CLIP2: variants seen among roughly 807,000 people sequenced by gnomAD.
CLIP2 encodes the protein CAP-Gly domain-containing linker protein 2.
CLIP2 carries 41 observed loss-of-function variants against 111.7 expected under a neutral mutation model. The observed-to-expected ratio is 0.37, with a 90% CI of 0.29 to 0.48. The LOEUF is 0.48. Among genes scored for constraint, CLIP2 ranks in the 20% least tolerant of loss-of-function variants. The pLI, the probability that CLIP2 is intolerant of heterozygous loss-of-function variation, is 0.99. For missense variants in CLIP2, 1,160 were observed against 1,422.1 expected, an observed-to-expected ratio of 0.82 and a Z score of 2.96; for synonymous variants, 660 against 644.2, an observed-to-expected ratio of 1.02 and a Z score of -0.37.
At chr7:74,290,747 G>A (rs1208506210) in intron 1 of CLIP2, among the ~76,000 whole-genome samples, 20 of 152,340 alleles carry the variant, frequency 1.3e-4, no homozygotes, top group African/African-American at 4.3e-4. Context: ...CACCACGTGT[G>A]TGCTTCAGAA....
chr7:74,302,730 G>C (rs1229235158), intron 1 of CLIP2, among the ~76,000 whole-genome samples: 1 of 152,192 alleles, frequency 6.6e-6, no homozygotes, highest in Non-Finnish European at 1.5e-5. Flanking sequence ...CTGTGGTCTT[G>C]CCAGTTTCAT....
Position 74,301,960 on chromosome 7 carries a change from G to A in CLIP2, c.-68+12226G>A, listed in dbSNP as rs138496528. Among the ~76,000 whole-genome samples, 275 of 151,656 alleles carry A rather than the reference G, an allele frequency of 1.8e-3. 1 individual carries two copies. The highest frequency in any genetic ancestry group is 3.4e-3 in the African/African-American group (142 of 41,416). On this transcript the variant is annotated intron_variant, in intron 1 of 16. Transcript: ENST00000223398. ...ACTGCTGGCCTCAAGTGATCCACCC[G>A]CCTTGACCTCCCAAAGTGCTGGGAT...
At chr7:74,296,325 A>G (rs371743547) in intron 1 of CLIP2, among the ~76,000 whole-genome samples, 1 of 151,126 alleles carries the variant, frequency 6.6e-6, no homozygotes, top group African/African-American at 2.4e-5. Context: ...CCTGGCCAAC[A>G]TGGTGAAACT....
At chr7:74,302,536 A>T (rs1348284828) in intron 1 of CLIP2, among the ~76,000 whole-genome samples, 2 of 152,092 alleles carry the variant, frequency 1.3e-5, no homozygotes, top group East Asian at 3.9e-4. Context: ...GAGCTCGGAC[A>T]TAGTGAGAAA....
chr7:74,309,248 G>A (rs1464569150), intron 1 of CLIP2, among the ~76,000 whole-genome samples: 2 of 151,998 alleles, frequency 1.3e-5, no homozygotes, highest in African/African-American at 4.8e-5. Context: ...GGCCAATGCA[G>A]GTGGGTCACC....
At chr7:74,398,465 G>A (rs1791522042) in intron 14 of CLIP2, among the ~76,000 whole-genome samples, 1 of 152,224 alleles carries the variant, frequency 6.6e-6, no homozygotes, top group African/African-American at 2.4e-5. Context: ...AGGGCGTGGG[G>A]TCCAGGAGGA....
At position 74,338,814 on chromosome 7, in the gene CLIP2, C is replaced by T. The variant is rs201883164; in HGVS notation, c.488C>T (p.Ser163Leu). The T allele has an allele frequency of 7.4e-6, 12 of 1,611,244 alleles. No individual in the cohort carries two copies. The highest frequency in any genetic ancestry group is 5.3e-5 in the African/African-American group (4 of 75,052). The change falls in exon 3 of 17, where the codon TCG becomes TTG. Residue 163 changes from serine (S) to leucine (L), a missense_variant. Coordinates refer to ENST00000223398, the MANE Select transcript of CLIP2 (RefSeq NM_003388.5). This position sits in a 1 kb window ranked among gnomAD's most constrained non-coding sequence, Gnocchi z 4.3. Reference sequence around the variant, plus strand: ...GGGAGTGATGCCCACTCCGTGGAGTCGCTGACTGCCCAGAACCTGTCATTG... The same window carrying T: ...GGGAGTGATGCCCACTCCGTGGAGTTGCTGACTGCCCAGAACCTGTCATTG... ...GSGSDAHSVE[S>L]LTAQNLSLHS...
At chr7:74,349,562 T>C (rs1554307134) in intron 3 of CLIP2, among the ~76,000 whole-genome samples, 1 of 141,654 alleles carries the variant, frequency 7.1e-6, no homozygotes, top group African/African-American at 2.6e-5. Flanking sequence ...TGCAATATGA[T>C]TGGACCTTGA....
intron 1 of CLIP2, among the ~76,000 whole-genome samples, chr7:74,299,304 A>G (rs546374925): frequency 6.6e-6 from 1 of 151,894 alleles, no homozygotes; most frequent in African/African-American, 2.4e-5. Context: ...TAGCCTGGGC[A>G]ACACAGCAAG....
chr7:74,354,049 C>T (rs1790084654), intron 4 of CLIP2, 45 bp downstream of exon 4: 1 of 1,574,130 alleles, frequency 6.4e-7, no homozygotes, highest in Admixed American at 1.7e-5. Flanking sequence ...GGCTCCTCTC[C>T]CCAGGGTGGG....
chr7:74,391,458 G>C (rs976766667), intron 13 of CLIP2, among the ~76,000 whole-genome samples: 31 of 152,180 alleles, frequency 2.0e-4, no homozygotes, highest in African/African-American at 6.3e-4. Flanking sequence ...CAATGAGCTA[G>C]ATTCAGTCGA....
At chr7:74,318,930 C>G (rs1036059783) in intron 2 of CLIP2, among the ~76,000 whole-genome samples, 3 of 152,090 alleles carry the variant, frequency 2.0e-5, no homozygotes, top group Non-Finnish European at 4.4e-5. Flanking sequence ...AAGTTTGAGC[C>G]AAAATCATGG....
intron 2 of CLIP2, among the ~76,000 whole-genome samples, chr7:74,328,638 G>A (rs1264079702): frequency 1.3e-5 from 2 of 152,152 alleles, no homozygotes; most frequent in African/African-American, 2.4e-5. Context: ...TGCTATGGAC[G>A]GGCATGAGGA....
At position 74,376,371 on chromosome 7, in the gene CLIP2, A is replaced by C; in HGVS notation, c.1970A>C (p.Lys657Thr). The change falls in exon 10 of 17, where the codon AAG becomes ACG. Residue 657 changes from lysine to threonine, a missense_variant. Lys to Thr is a moderately conservative substitution (Grantham distance 78). Around this residue, in one of 5 missense-constraint regions of CLIP2, gnomAD observed 676 missense variants for 777.8 expected, o/e 0.87. Coordinates refer to ENST00000223398, the MANE Select transcript of CLIP2 (RefSeq NM_003388.5). This position sits in a 1 kb window ranked among gnomAD's most constrained non-coding sequence, Gnocchi z 7.1. ...CTGAAGGCAGTGATGGAGGGCATCA[A>C]GATGGAGCACCAGCTGGAGCTGGGT... ...GELKAVMEGI[K>T]MEHQLELGNL... The C allele has an allele frequency of 6.2e-7, 1 of 1,614,066 alleles. No homozygotes were observed. The highest frequency in any genetic ancestry group is 1.1e-5 in the South Asian group (1 of 91,084).
chr7:74,387,473 A>G (rs1254248021), intron 12 of CLIP2, among the ~76,000 whole-genome samples: 1 of 151,846 alleles, frequency 6.6e-6, no homozygotes, highest in East Asian at 1.9e-4. Flanking sequence ...CTGGTCTCCA[A>G]CTCCTGAGCT....
intron 1 of CLIP2, among the ~76,000 whole-genome samples, chr7:74,294,577 C>T (rs782418561): frequency 1.3e-4 from 20 of 152,142 alleles, no homozygotes; most frequent in Non-Finnish European, 2.6e-4. Context: ...TCCGGCTCAC[C>T]AGGAGGAGCG....
chr7:74,331,070 G>A (rs1036374395), intron 2 of CLIP2, among the ~76,000 whole-genome samples: 3 of 151,588 alleles, frequency 2.0e-5, no homozygotes, highest in African/African-American at 7.3e-5. Context: ...GCCAAGCATG[G>A]TGGTACACGC....
rs1384548877 is a variant in CLIP2 at position 74,376,733 on chromosome 7, C to CAGG, written c.2336_2338dup (p.Glu779dup). The stretch of plus-strand genomic sequence containing the variant: ...GCAGCGGGCAGAAGCCCAGGGCAAA[C>CAGG]AGGAGGTCGAGAGTTTGCGGGAGAA... On this transcript the variant is annotated inframe_insertion, in exon 10 of 17. Coordinates refer to ENST00000223398, the MANE Select transcript of CLIP2 (RefSeq NM_003388.5). This position sits in a 1 kb window ranked among gnomAD's most constrained non-coding sequence, Gnocchi z 7.1. 3 of 1,612,982 alleles carry CAGG rather than the reference C, an allele frequency of 1.9e-6. No homozygotes were observed. Among genetic ancestry groups the CAGG allele is most frequent in the East Asian group, 2.2e-5 (1 of 44,844 alleles).
intron 16 of CLIP2, among the ~76,000 whole-genome samples, chr7:74,402,279 G>A (rs998295723): frequency 1.4e-5 from 2 of 148,062 alleles, no homozygotes; most frequent in South Asian, 2.1e-4. Context: ...GCAATGAGCC[G>A]AGATCGCGCC....
Sources: gnomAD v4.1 joint callset for allele counts (sites outside exome capture counted in the v4.1 genomes callset) on GRCh38, gnomAD v4.1.1 for gene constraint, gnomAD v4.1.1 regional missense constraint, Gnocchi (gnomAD v3.1) non-coding constraint, MANE v1.5 for transcripts, NCBI Gene and HGNC (gene_info 2026-07-23, HGNC 2026-07-21) for gene names.